RPA3: variants seen among roughly 807,000 people sequenced by gnomAD.
RPA3 encodes replication protein A 14 kDa subunit.
In RPA3, 24 loss-of-function variants were observed where a neutral mutation model predicts 13.7. The ratio of observed to expected loss-of-function variants is 1.75; its 90% CI spans 1.27 to 2.46. RPA3 has a LOEUF of 2.46. RPA3 is among the 30% of genes most tolerant of loss of function. The pLI, the probability that RPA3 is intolerant of heterozygous loss-of-function variation, is 0.00. For missense variants in RPA3, 183 were observed against 151.0 expected (o/e 1.21, Z -1.11); for synonymous variants, 59 against 51.2 (o/e 1.15, Z -0.65).
intron 2 of RPA3, among the ~76,000 whole-genome samples, chr7:7,697,134 T>A (rs1312974105): frequency 1.3e-5 from 2 of 152,212 alleles, no homozygotes; most frequent in Non-Finnish European, 2.9e-5. Flanking sequence ...ATTTAAAAAA[T>A]TATTTTTTCA....
At chr7:7,694,562 C>T (rs1304594011) in intron 2 of RPA3, among the ~76,000 whole-genome samples, 2 of 150,666 alleles carry the variant, frequency 1.3e-5, no homozygotes, top group East Asian at 3.9e-4. Flanking sequence ...ACTCTGGTAA[C>T]CATCATTCTA....
At position 7,637,794 on chromosome 7, in the gene RPA3, C is replaced by T. The variant is rs915945909; in HGVS notation, c.283+70G>A. On this transcript the variant is annotated intron_variant, in intron 7 of 7. Coordinates refer to ENST00000223129, the MANE Select transcript of RPA3 (RefSeq NM_002947.5). Reference sequence around the variant, plus strand: ...TATAAAACTGTATGTTATGTAATTACATACAGTTATATAAAACTGTATGTT... The same window carrying T: ...TATAAAACTGTATGTTATGTAATTATATACAGTTATATAAAACTGTATGTT... 28 of 659,742 alleles carry T rather than the reference C, an allele frequency of 4.2e-5. No individual in the cohort carries two copies. In the Admixed American group the frequency reaches 6.1e-4, roughly 14 times the overall value. The allele number at this position is 659,742 out of a possible 1,614,324, so 40.9% of individuals were successfully genotyped here.
intron 4 of RPA3, among the ~76,000 whole-genome samples, chr7:7,642,517 T>C (rs1271321682): frequency 1.3e-5 from 2 of 151,990 alleles, no homozygotes; most frequent in African/African-American, 4.8e-5. Context: ...GATGTTAATG[T>C]CGTTGTTTAC....
In RPA3 at chr7:7,639,066, A is replaced by AT; in HGVS notation, c.174+3dup. 3 of 1,606,902 alleles carry AT rather than the reference A, an allele frequency of 1.9e-6. No individual in the cohort carries two copies. Among genetic ancestry groups the AT allele is most frequent in the Non-Finnish European group, 2.6e-6 (3 of 1,176,062 alleles). ...ATAAGAGACTTATTAACACTTAAAC[A>AT]TACGGGTTCCATCAACTCGATGGTT... is the stretch of plus-strand genomic sequence containing the variant. On this transcript the variant is annotated splice_donor_region_variant and intron_variant, in intron 6 of 7. Coordinates refer to ENST00000223129, the MANE Select transcript of RPA3 (RefSeq NM_002947.5).
intron 2 of RPA3, among the ~76,000 whole-genome samples, chr7:7,711,841 T>A (rs1403684364): frequency 6.6e-6 from 1 of 152,164 alleles, no homozygotes; most frequent in Admixed American, 6.5e-5. Flanking sequence ...ACTTTCATAT[T>A]TCAGTCTGAT....
chr7:7,678,410 A>C (rs984579302), intron 4 of RPA3, among the ~76,000 whole-genome samples: 1 of 145,100 alleles, frequency 6.9e-6, no homozygotes, highest in Admixed American at 7.0e-5. Flanking sequence ...TCAGATATAT[A>C]AAAAAATATA....
chr7:7,659,067 T>G (rs1451273788), intron 4 of RPA3, among the ~76,000 whole-genome samples: 1 of 152,258 alleles, frequency 6.6e-6, no homozygotes, highest in African/African-American at 2.4e-5. Flanking sequence ...TATCCATTTC[T>G]TCTAGATTTT....
At chr7:7,716,425 A>G (rs1270609662) in intron 1 of RPA3, among the ~76,000 whole-genome samples, 2 of 152,218 alleles carry the variant, frequency 1.3e-5, no homozygotes, top group Non-Finnish European at 2.9e-5. Context: ...CTTTTCTAAC[A>G]AAAGAGCAGC....
At chr7:7,667,738 C>G (rs1242615832) in intron 4 of RPA3, among the ~76,000 whole-genome samples, 1 of 152,194 alleles carries the variant, frequency 6.6e-6, no homozygotes, top group African/African-American at 2.4e-5. Context: ...ATGTATTTGA[C>G]TAACATTGAG....
intron 4 of RPA3, among the ~76,000 whole-genome samples, chr7:7,658,658 A>G (rs1166420198): frequency 6.6e-6 from 1 of 152,180 alleles, no homozygotes; most frequent in East Asian, 1.9e-4. Context: ...CCATTGATGA[A>G]GCTGATTTGA....
chr7:7,676,668 C>G (rs1228196445), intron 4 of RPA3, among the ~76,000 whole-genome samples: 1 of 151,790 alleles, frequency 6.6e-6, no homozygotes, highest in South Asian at 2.1e-4. Flanking sequence ...TTTGGCTAAC[C>G]CAAACTTTTT....
At chr7:7,704,526 T>G (rs530573353) in intron 2 of RPA3, among the ~76,000 whole-genome samples, 565 of 144,412 alleles carry the variant, frequency 3.9e-3, no homozygotes, top group Non-Finnish European at 6.7e-3. Flanking sequence ...GAAGCCGAGG[T>G]GGGCGGATCA....
chr7:7,707,743 A>C (rs1187579314), intron 2 of RPA3, among the ~76,000 whole-genome samples: 1 of 152,208 alleles, frequency 6.6e-6, no homozygotes, highest in Admixed American at 6.5e-5. Flanking sequence ...AAAATCGGCC[A>C]AGGTATCTTT....
intron 6 of RPA3, 101 bp downstream of exon 6, chr7:7,638,969 T>G: frequency 3.4e-6 from 3 of 876,120 alleles, no homozygotes; most frequent in Non-Finnish European, 5.0e-6. Context: ...CAGCTCATCC[T>G]TTTTAAATCC....
intron 2 of RPA3, among the ~76,000 whole-genome samples, chr7:7,708,409 A>G (rs1478651810): frequency 6.6e-6 from 1 of 152,160 alleles, no homozygotes; most frequent in Non-Finnish European, 1.5e-5. Flanking sequence ...TTCTGTATTA[A>G]ACAGTTACCC....
Position 7,640,303 on chromosome 7 carries a change from A to G in RPA3, c.99+17T>C, listed in dbSNP as rs1198474680. ...CCAGCTACGGACTTGGGAGCCCATGATTGCGAACCCGCACACCTTTTCCAG... is the reference window on the plus strand; with the variant it reads ...CCAGCTACGGACTTGGGAGCCCATGGTTGCGAACCCGCACACCTTTTCCAG... On this transcript the variant is annotated intron_variant, in intron 5 of 7. Transcript: ENST00000223129. The G allele has an allele frequency of 1.9e-6, 3 of 1,613,686 alleles. No homozygotes were observed. Among genetic ancestry groups the G allele is most frequent in the Non-Finnish European group, 1.7e-6 (2 of 1,179,722 alleles).
At position 7,673,310 on chromosome 7, in the gene RPA3, TAGCAGCAGCAGCAGCAGC is replaced by T; in HGVS notation, c.-758+12502_-758+12519del. The T allele has an allele frequency of 1.1e-3, 1,120 of 1,033,610 alleles. 3 individuals are homozygous for T. Among genetic ancestry groups the T allele is most frequent in the South Asian group, 4.4e-3 (311 of 71,450 alleles). 64.0% of individuals were successfully genotyped at this position (1,033,610 alleles called of 1,614,324 possible). A position where few individuals can be genotyped will look rare whatever the true frequency, so the allele number is the denominator to read the frequency against. On this transcript the variant is annotated intron_variant, in intron 4 of 7. Transcript: ENST00000223129. ...CATTGTGTAATGTTTCTATTTCAGG[TAGCAGCAGCAGCAGCAGC>T]AGCAGCAGCAGCAGCAGCAGCAGCA...
At chr7:7,709,901 C>G (rs1411161324) in intron 2 of RPA3, among the ~76,000 whole-genome samples, 1 of 151,998 alleles carries the variant, frequency 6.6e-6, no homozygotes, top group East Asian at 1.9e-4. Flanking sequence ...TAAGTCTTCT[C>G]CTTACTCCCA....
intron 4 of RPA3, among the ~76,000 whole-genome samples, chr7:7,676,479 T>C (rs1477193782): frequency 6.6e-6 from 1 of 152,212 alleles, no homozygotes; most frequent in African/African-American, 2.4e-5. Context: ...CTATCCATCT[T>C]TTTGTAAAAA....
Sources: gnomAD v4.1 joint callset for allele counts (sites outside exome capture counted in the v4.1 genomes callset) on GRCh38, gnomAD v4.1.1 for gene constraint, MANE v1.5 for transcripts, NCBI Gene and HGNC (gene_info 2026-07-23, HGNC 2026-07-21) for gene names.